MYLK3: variants seen among roughly 807,000 people sequenced by gnomAD.
MYLK3 encodes the protein myosin light chain kinase 3.
A neutral mutation model predicts 76.3 loss-of-function variants in MYLK3; 55 were observed. That is an observed-to-expected ratio of 0.72 (90% CI 0.58 to 0.90). The LOEUF (loss-of-function observed/expected upper bound fraction) is 0.90. Among genes scored for constraint, MYLK3 ranks in the 40% least tolerant of loss-of-function variants. The pLI, the probability that MYLK3 is intolerant of heterozygous loss-of-function variation, is 0.00. For synonymous variants in MYLK3, 416 were observed against 425.4 expected, an observed-to-expected ratio of 0.98 and a Z score of 0.27; for missense variants, 973 against 1,053.6, an observed-to-expected ratio of 0.92 and a Z score of 1.06.
chr16:46,721,552 G>A (rs1377517911), intron 8 of MYLK3, among the ~76,000 whole-genome samples: 1 of 152,192 alleles, frequency 6.6e-6, no homozygotes, highest in Non-Finnish European at 1.5e-5. Flanking sequence ...TTAAAAAACA[G>A]AGATGGGGTC....
Position 46,732,549 on chromosome 16 carries a change from C to A in MYLK3, c.1121G>T (p.Gly374Val). Residue 374 changes from glycine to valine, a missense_variant, in exon 4 of 13, where the codon GGC becomes GTC. Around this residue, in one of 2 missense-constraint regions of MYLK3, gnomAD observed 641 missense variants for 637.0 expected, o/e 1.01. Transcript: ENST00000394809. ...GAGGCAGCGCCCGGTCCCAGGTGGG[C>A]CCTGCTTGCCTGGCTGGGCAGCTGC... ...APAAAQPGKQGPPGTGRCLQA... is the reference protein window; with the variant it reads ...APAAAQPGKQVPPGTGRCLQA... 1 of 1,601,486 alleles carries A rather than the reference C, an allele frequency of 6.2e-7. No individual in the cohort carries two copies. Among genetic ancestry groups the A allele is most frequent in the Non-Finnish European group, 8.5e-7 (1 of 1,179,654 alleles).
At chr16:46,721,349 G>T (rs1363334349) in intron 8 of MYLK3, among the ~76,000 whole-genome samples, 156 bp from the exon 9 acceptor site, 1 of 152,186 alleles carries the variant, frequency 6.6e-6, no homozygotes, top group Non-Finnish European at 1.5e-5. Context: ...ATACATGAAG[G>T]GGCTGGTGAG....
chr16:46,756,561 T>C (rs1967203079), intron 1 of MYLK3, among the ~76,000 whole-genome samples: 1 of 152,186 alleles, frequency 6.6e-6, no homozygotes, highest in Non-Finnish European at 1.5e-5. Context: ...CCTTTGTTGA[T>C]TTGTGTATTT....
At chr16:46,756,478 T>C (rs1967202197) in intron 1 of MYLK3, among the ~76,000 whole-genome samples, 1 of 152,234 alleles carries the variant, frequency 6.6e-6, no homozygotes, top group Non-Finnish European at 1.5e-5. Flanking sequence ...ACGTGTTTGC[T>C]TCTGGGGACC....
upstream of MYLK3, among the ~76,000 whole-genome samples, chr16:46,750,118 C>A (rs540675087): frequency 6.6e-5 from 10 of 152,346 alleles, no homozygotes; most frequent in South Asian, 1.2e-3. Context: ...AAGACTCCCC[C>A]ACCCGACCAG....
At chr16:46,755,906 C>CTTTTTTTTTTTTT (rs772833701) in intron 1 of MYLK3, among the ~76,000 whole-genome samples, 35 of 109,756 alleles carry the variant, frequency 3.2e-4, no homozygotes, top group Non-Finnish European at 3.8e-4. Context: ...TTTTTTCTTT[C>CTTTTTTTTTTTTT]TTTTTTTTTT....
At position 46,706,230 on chromosome 16, in the gene MYLK3, T is replaced by A. The variant is rs999826487; in HGVS notation, c.*1474A>T. 5 of 151,608 alleles carry A rather than the reference T, an allele frequency of 3.3e-5. No homozygotes were observed. Among genetic ancestry groups the A allele is most frequent in the Non-Finnish European group, 7.4e-5 (5 of 67,936 alleles). The allele number at this position is 151,608 out of a possible 1,614,324, so 9.4% of individuals were successfully genotyped here. On this transcript the variant is annotated 3_prime_UTR_variant, in exon 13 of 13. Coordinates refer to ENST00000394809, the MANE Select transcript of MYLK3 (RefSeq NM_182493.3). ...AATATAAACAGTCAGTTAATACCCATACACACATATGTGTTCGTGTGTGTG... is the reference window on the plus strand; with the variant it reads ...AATATAAACAGTCAGTTAATACCCAAACACACATATGTGTTCGTGTGTGTG...
intron 1 of MYLK3, among the ~76,000 whole-genome samples, chr16:46,744,330 CTT>C (rs71158891): frequency 2.3e-5 from 1 of 43,686 alleles, no homozygotes; most frequent in Admixed American, 4.7e-4. Flanking sequence ...CCACACCCAG[CTT>C]TTTTTTTTTT....
Position 46,740,061 on chromosome 16 carries a change from C to T in MYLK3, c.564G>A (p.Gly188=), listed in dbSNP as rs777129890. The T allele has an allele frequency of 3.4e-5, 55 of 1,610,286 alleles. No homozygotes were observed. The highest frequency in any genetic ancestry group is 6.7e-5 in the Admixed American group (4 of 59,742). Residue 188 remains glycine, a synonymous_variant, in exon 2 of 13, where the codon GGG becomes GGA. Transcript: ENST00000394809. ...SGVQSDAREP[G]EESQKADVLE... is the part of the protein sequence containing the mutation. ...AGCAAATGGGGTCCCACTCACCTTCCCCAGGCTCCCTGGCATCAGACTGCA... is the reference window on the plus strand; with the variant it reads ...AGCAAATGGGGTCCCACTCACCTTCTCCAGGCTCCCTGGCATCAGACTGCA...
rs558671219 is a variant in MYLK3 at position 46,732,655 on chromosome 16, T to C, written c.1015A>G (p.Ile339Val). The C allele has an allele frequency of 6.6e-7, 1 of 1,521,130 alleles. No individual in the cohort carries two copies. The highest frequency in any genetic ancestry group is 1.4e-5 in the African/African-American group (1 of 72,642). 94.2% of individuals were successfully genotyped at this position (1,521,130 alleles called of 1,614,324 possible). Reference sequence around the variant, plus strand: ...TCCCCAGGAGTATCCATCTCTTGTATGTGGATGGAGATCCTGGGGTGGAGA... The same window carrying C: ...TCCCCAGGAGTATCCATCTCTTGTACGTGGATGGAGATCCTGGGGTGGAGA... Reference protein sequence around the residue: ...GETPPRISIHIQEMDTPGEML... With the variant: ...GETPPRISIHVQEMDTPGEML... The change falls in exon 4 of 13, where the codon ATA becomes GTA. Residue 339 changes from isoleucine (I) to valine (V), a missense_variant. Ile to Val is a conservative substitution (Grantham distance 29). This residue lies in a region of MYLK3 where 641 missense variants were observed against 637.0 expected (regional missense o/e 1.01). Transcript: ENST00000394809.
chr16:46,758,822 G>C (rs957918193), intron 1 of MYLK3, among the ~76,000 whole-genome samples: 3 of 152,120 alleles, frequency 2.0e-5, no homozygotes, highest in African/African-American at 7.2e-5. Context: ...GTGTGTGCGG[G>C]GTGCGGGGTG....
chr16:46,726,697 G>GAAAA (rs1966842048), intron 8 of MYLK3: 1 of 132,956 alleles, frequency 7.5e-6, no homozygotes, highest in African/African-American at 2.8e-5. Flanking sequence ...AAGAAAGAAA[G>GAAAA]AAAGAAAGAA....
intron 9 of MYLK3, among the ~76,000 whole-genome samples, chr16:46,717,534 C>T (rs911382574): frequency 1.3e-5 from 2 of 152,036 alleles, no homozygotes; most frequent in Non-Finnish European, 2.9e-5. Flanking sequence ...GTATGTTCCC[C>T]CAACCAGCCC....
exon 1 of MYLK3, chr16:46,763,182 A>G: frequency 1.0e-6 from 1 of 985,482 alleles, no homozygotes; most frequent in Non-Finnish European, 1.2e-6. Context: ...GTCAACAGTT[A>G]TAACCCAAGA....
chr16:46,710,971 G>A (rs577060203), intron 10 of MYLK3, 182 bp from the exon 11 acceptor site: 180 of 672,528 alleles, frequency 2.7e-4, no homozygotes, highest in Admixed American at 1.9e-3. Flanking sequence ...GGGAGGAAGC[G>A]GAAGGATTTA....
chr16:46,731,332 T>C (rs980651970), intron 4 of MYLK3, among the ~76,000 whole-genome samples: 27 of 152,226 alleles, frequency 1.8e-4, no homozygotes, highest in African/African-American at 4.8e-5. Context: ...GTTTGTTTTT[T>C]AATGGTTTAG....
rs201924917 is a variant in MYLK3 at position 46,747,975 on chromosome 16, C to T, written c.219G>A (p.Pro73=). Residue 73 remains proline (P), a synonymous_variant, in exon 1 of 13, where the codon CCG becomes CCA. Coordinates refer to ENST00000394809, the MANE Select transcript of MYLK3 (RefSeq NM_182493.3). ...GLHRLEASRA[P]GPGGADGVPH... ...GAACCCCATCAGCCCCGCCCGGGCC[C>T]GGTGCCCGGGAGGCCTCCAGCCTGT... 2.6e-5 allele frequency: 42 copies of T among 1,613,160 alleles called. 1 individual carries two copies. The East Asian group carries it at 7.6e-4, about 29-fold the overall frequency.
intron 8 of MYLK3, among the ~76,000 whole-genome samples, chr16:46,721,729 T>C (rs1047693841): frequency 7.2e-5 from 11 of 152,286 alleles, no homozygotes; most frequent in African/African-American, 2.6e-4. Context: ...AAACGAAATC[T>C]AAACTCACGT....
intron 12 of MYLK3, among the ~76,000 whole-genome samples, chr16:46,708,804 G>A (rs1966653343): frequency 1.3e-5 from 2 of 152,088 alleles, no homozygotes. Context: ...TATGTCCATG[G>A]GACTAAAGAA....
Sources: allele counts gnomAD v4.1 joint callset (sites outside exome capture counted in the v4.1 genomes callset), GRCh38; gene constraint gnomAD v4.1.1; regional missense constraint gnomAD v4.1.1; transcripts MANE v1.5; gene names NCBI Gene and HGNC (gene_info 2026-07-23, HGNC 2026-07-21).